Variants in OR9Q1 observed in about 807,000 individuals in gnomAD.
OR9Q1 encodes olfactory receptor family 9 subfamily Q member 1, also known as olfactory receptor 9Q1.
For missense variants in OR9Q1, 374 were observed against 378.8 expected, an observed-to-expected ratio of 0.99 and a Z score of 0.11; for synonymous variants, 153 against 148.6, an observed-to-expected ratio of 1.03 and a Z score of -0.22.
At chr11:58,150,554 A>G (rs1188506168) in intron 2 of OR9Q1, among the ~76,000 whole-genome samples, 5 of 152,206 alleles carry the variant, frequency 3.3e-5, no homozygotes, top group Non-Finnish European at 7.3e-5. Context: ...TGACGGTTCC[A>G]TGAGGTTATA....
chr11:58,058,817 C>A (rs753023092), intron 2 of OR9Q1, among the ~76,000 whole-genome samples: 1 of 152,132 alleles, frequency 6.6e-6, no homozygotes, highest in Admixed American at 6.6e-5. Flanking sequence ...ACTGACCAGG[C>A]CTACTCAGGT....
intron 2 of OR9Q1, among the ~76,000 whole-genome samples, chr11:58,102,042 G>A (rs1034530672): frequency 6.6e-6 from 1 of 152,088 alleles, no homozygotes; most frequent in Non-Finnish European, 1.5e-5. Flanking sequence ...CACCACGCCC[G>A]GCCATCTTCC....
intron 1 of OR9Q1, among the ~76,000 whole-genome samples, chr11:58,042,987 C>T (rs752457656): frequency 7.9e-5 from 12 of 152,144 alleles, no homozygotes; most frequent in East Asian, 1.9e-4. Flanking sequence ...GATTTTTGTA[C>T]ATTGATTTTA....
intron 2 of OR9Q1, among the ~76,000 whole-genome samples, chr11:58,168,449 CCCA>C (rs1392302905): frequency 6.6e-6 from 1 of 152,102 alleles, no homozygotes; most frequent in Non-Finnish European, 1.5e-5. Context: ...TTGAGATTTA[CCCA>C]TATTGATATA....
intron 1 of OR9Q1, chr11:58,031,029 A>T (rs1853027484): frequency 1.2e-6 from 2 of 1,613,710 alleles, no homozygotes; most frequent in South Asian, 2.2e-5. Flanking sequence ...CATGAAGCAC[A>T]CCTCCTCTTC....
intron 2 of OR9Q1, among the ~76,000 whole-genome samples, chr11:58,152,669 A>C (rs563535907): frequency 6.6e-6 from 1 of 152,274 alleles, no homozygotes; most frequent in East Asian, 1.9e-4. Context: ...TTTTGAGTTC[A>C]TTTATGATGC....
At chr11:58,111,294 T>C (rs560213107) in intron 2 of OR9Q1, among the ~76,000 whole-genome samples, 2 of 152,252 alleles carry the variant, frequency 1.3e-5, no homozygotes, top group Non-Finnish European at 2.9e-5. Flanking sequence ...AAGGAGATGC[T>C]CAGGACCTTA....
At chr11:58,086,290 T>TA (rs1231333745) in intron 2 of OR9Q1, among the ~76,000 whole-genome samples, 10 of 151,822 alleles carry the variant, frequency 6.6e-5, no homozygotes, top group African/African-American at 2.4e-4. Flanking sequence ...ATTAGGTAAA[T>TA]AAAAAGTGAA....
At chr11:58,154,379 A>AT (rs3085835) in intron 2 of OR9Q1, among the ~76,000 whole-genome samples, 34,046 of 140,604 alleles carry the variant, frequency 0.24, 4,331 homozygotes, top group Middle Eastern at 0.4. Context: ...AATGCAATGG[A>AT]TTTTTTTTTT....
At chr11:58,068,508 C>T (rs1173672832) in intron 2 of OR9Q1, among the ~76,000 whole-genome samples, 2 of 152,118 alleles carry the variant, frequency 1.3e-5, no homozygotes, top group Non-Finnish European at 2.9e-5. Flanking sequence ...TTAGCATGAA[C>T]CCTCAGACAC....
chr11:58,075,418 C>A (rs748914573), intron 2 of OR9Q1: 11 of 152,206 alleles, frequency 7.2e-5, no homozygotes, highest in Non-Finnish European at 1.5e-4. Flanking sequence ...CAGCAGACAC[C>A]TGTTTAGGGT....
At chr11:58,064,512 C>T (rs1258786918) in intron 2 of OR9Q1, among the ~76,000 whole-genome samples, 1 of 152,134 alleles carries the variant, frequency 6.6e-6, no homozygotes, top group African/African-American at 2.4e-5. Context: ...GGAAGGTCAT[C>T]CCTCCAACCA....
intron 2 of OR9Q1, among the ~76,000 whole-genome samples, chr11:58,164,444 C>T (rs545564426): frequency 4.9e-4 from 74 of 152,114 alleles, no homozygotes; most frequent in African/African-American, 1.7e-3. Context: ...ATATCCTCAC[C>T]TTAAGATTAC....
chr11:58,070,705 G>A (rs1222206685), intron 2 of OR9Q1, among the ~76,000 whole-genome samples: 3 of 152,174 alleles, frequency 2.0e-5, no homozygotes, highest in African/African-American at 7.2e-5. Flanking sequence ...CCCTGTACAG[G>A]CACTGAGCCA....
At chr11:58,095,686 C>T (rs1351136166) in intron 2 of OR9Q1, among the ~76,000 whole-genome samples, 1 of 152,102 alleles carries the variant, frequency 6.6e-6, no homozygotes, top group African/African-American at 2.4e-5. Flanking sequence ...TGGGTGAAAT[C>T]ACCACCATGA....
chr11:58,056,863 A>G (rs1477190207), intron 2 of OR9Q1, among the ~76,000 whole-genome samples: 3 of 152,198 alleles, frequency 2.0e-5, no homozygotes, highest in African/African-American at 4.8e-5. Flanking sequence ...CACTGCCTGA[A>G]GAAGTGTTCC....
In OR9Q1 at chr11:58,114,210, C is replaced by T. The variant is rs564207293; in HGVS notation, c.-15+58263C>T. ...TCCTCCAGGTGCCCAGCTGTTTTGC[C>T]TTATTTCCCAAACAACCCAATTAAG... is the stretch of plus-strand genomic sequence containing the variant. On this transcript the variant is annotated intron_variant, in intron 2 of 2. Transcript: ENST00000335397. 5.5e-4 allele frequency among the ~76,000 whole-genome samples: 84 copies of T among 152,286 alleles called. 1 individual carries two copies. The Middle Eastern group carries it at 0.01, about 18-fold the overall frequency.
chr11:58,118,740 G>A, intron 2 of OR9Q1: 1 of 1,614,036 alleles, frequency 6.2e-7, no homozygotes. Flanking sequence ...AGAAAGTCTT[G>A]GCCCTGCCAC....
At chr11:58,036,830 A>C (rs1853104945) in intron 1 of OR9Q1, among the ~76,000 whole-genome samples, 1 of 152,236 alleles carries the variant, frequency 6.6e-6, no homozygotes, top group South Asian at 2.1e-4. Flanking sequence ...GTGAGCAAAG[A>C]AAGTAGTTTC....
Sources: allele counts gnomAD v4.1 joint callset (sites outside exome capture counted in the v4.1 genomes callset), GRCh38; gene constraint gnomAD v4.1.1; transcripts MANE v1.5; gene names NCBI Gene and HGNC (gene_info 2026-07-23, HGNC 2026-07-21).